Variants in FAM228B observed in about 807,000 individuals in gnomAD.
FAM228B encodes protein FAM228B.
Under a neutral mutation model 42.6 loss-of-function variants are expected in FAM228B, and 38 were observed. The observed-to-expected ratio is 0.89, with a 90% confidence interval of 0.69 to 1.17. FAM228B has a LOEUF of 1.17. Ranked by LOEUF, FAM228B falls within the 50% of genes most tolerant of loss-of-function variation. The pLI, the probability that FAM228B is intolerant of heterozygous loss-of-function variation, is 0.00. For missense variants in FAM228B, 344 were observed against 367.3 expected (o/e 0.94, Z 0.52); for synonymous variants, 109 against 122.3 (o/e 0.89, Z 0.72).
At chr2:24,156,756 T>A (rs1010314450) in intron 7 of FAM228B, among the ~76,000 whole-genome samples, 1 of 146,162 alleles carries the variant, frequency 6.8e-6, no homozygotes, top group Non-Finnish European at 1.5e-5. Flanking sequence ...TACCAGACAC[T>A]GTTATACATT....
chr2:24,161,671 C>T, intron 8 of FAM228B, 58 bp downstream of exon 8: 1 of 991,964 alleles, frequency 1.0e-6, no homozygotes, highest in Non-Finnish European at 1.6e-6. Flanking sequence ...GGCTGTGCTG[C>T]CATCCCCTGC....
intron 5 of FAM228B, among the ~76,000 whole-genome samples, chr2:24,143,039 G>C (rs777717963): frequency 6.6e-6 from 1 of 152,136 alleles, no homozygotes; most frequent in Non-Finnish European, 1.5e-5. Flanking sequence ...CATAGATATG[G>C]TTTCAGATTC....
At chr2:24,078,382 A>T (rs1664851797) in intron 1 of FAM228B, among the ~76,000 whole-genome samples, 1 of 151,856 alleles carries the variant, frequency 6.6e-6, no homozygotes, top group South Asian at 2.1e-4. Flanking sequence ...TAAAAAATAC[A>T]AGCCAGGCAT....
chr2:24,167,634 TC>T lies in FAM228B; in HGVS notation c.944del (p.Pro315ArgfsTer6). 1 of 1,551,528 alleles carries T rather than the reference TC, an allele frequency of 6.4e-7. No homozygotes were observed. Among genetic ancestry groups the T allele is most frequent in the East Asian group, 2.4e-5 (1 of 40,896 alleles). ...CTTCAATCTTCATTTAAGGTCTCCC[TC>T]CCCGCGTTTGGGGCTGCTGAAGCTG... ...EREEDQDGSP[S>X]PRLGLLKLEL is the part of the protein sequence containing the mutation. On this transcript the variant is annotated frameshift_variant, in exon 10 of 11. Coordinates refer to ENST00000615575, the MANE Select transcript of FAM228B (RefSeq NM_001145710.2). LOFTEE classifies it high-confidence loss of function.
At position 24,077,357 on chromosome 2, in the gene FAM228B, C is replaced by T. The variant is rs545347178; in HGVS notation, c.-290+388C>T. On this transcript the variant is annotated intron_variant, in intron 1 of 10. Coordinates refer to the FAM228B transcript ENST00000613899. This position sits in a 1 kb window ranked among gnomAD's most constrained non-coding sequence, Gnocchi z 5.5. ...GGTTGAGCGTCAGCTGATCGGGCCT[C>T]AGTAATCCCCGCTGCGACGCCCGTC... 2.1e-5 allele frequency: 10 copies of T among 473,338 alleles called. No individual in the cohort carries two copies. The highest frequency in any genetic ancestry group is 1.9e-4 in the African/African-American group (10 of 51,958). The allele number at this position is 473,338 out of a possible 1,614,324, so 29.3% of individuals were successfully genotyped here.
intron 7 of FAM228B, among the ~76,000 whole-genome samples, chr2:24,149,423 T>C (rs1378848341): frequency 1.3e-5 from 2 of 152,200 alleles, no homozygotes; most frequent in Non-Finnish European, 2.9e-5. Flanking sequence ...CCATTTTAAC[T>C]GGGAAGAGAT....
intron 3 of FAM228B, among the ~76,000 whole-genome samples, chr2:24,111,405 C>T (rs912755532): frequency 6.6e-6 from 1 of 152,170 alleles, no homozygotes; most frequent in Non-Finnish European, 1.5e-5. Context: ...ACACACATAT[C>T]AATATGTTCA....
At chr2:24,135,219 A>G (rs947922658) in intron 3 of FAM228B, 32 bp downstream of exon 3, 3 of 1,224,088 alleles carry the variant, frequency 2.5e-6, no homozygotes, top group African/African-American at 1.6e-5. Flanking sequence ...CATCTCAGTT[A>G]AAAATTAAAT....
chr2:24,083,482 C>T (rs1298190431), intron 2 of FAM228B, among the ~76,000 whole-genome samples: 1 of 152,130 alleles, frequency 6.6e-6, no homozygotes, highest in East Asian at 1.9e-4. Context: ...TCCCATGCAT[C>T]AAGCGCTAGG....
rs1667287745 is a variant in FAM228B, at chr2:24,161,619, T to C, written c.794+6T>C. 6 of 1,467,374 alleles carry C rather than the reference T, an allele frequency of 4.1e-6. No individual in the cohort carries two copies. The African/African-American group carries it at 8.4e-5, about 20-fold the overall frequency. 90.9% of individuals were successfully genotyped at this position (1,467,374 alleles called of 1,614,324 possible). Reference sequence around the variant, plus strand: ...GAAAAAACAGTTATTTACAAGTAAGTCTGTTCTTCCATAGCTTTGCTCTTC... The same window carrying C: ...GAAAAAACAGTTATTTACAAGTAAGCCTGTTCTTCCATAGCTTTGCTCTTC... On this transcript the variant is annotated splice_donor_region_variant and intron_variant, in intron 8 of 10. Transcript: ENST00000615575.
At chr2:24,119,555 A>G (rs764024999), upstream of FAM228B, 2 of 1,573,314 alleles carry the variant, frequency 1.3e-6, no homozygotes, top group Admixed American at 1.7e-5. Context: ...GAATGAAGAC[A>G]GGAACTAGGA....
intron 2 of FAM228B, among the ~76,000 whole-genome samples, chr2:24,088,681 G>A (rs140751821): frequency 2.0e-5 from 3 of 152,182 alleles, no homozygotes; most frequent in African/African-American, 7.2e-5. Flanking sequence ...ACTAGTAAAC[G>A]TAAGTGTTTC....
intron 8 of FAM228B, among the ~76,000 whole-genome samples, chr2:24,163,469 C>A (rs965632454): frequency 6.6e-6 from 1 of 152,066 alleles, no homozygotes; most frequent in African/African-American, 2.4e-5. Context: ...AAGGAAGTGT[C>A]CAAACTAAGC....
At chr2:24,164,373 G>A (rs1213336383) in intron 9 of FAM228B, 38 bp downstream of exon 9, 22 of 1,525,388 alleles carry the variant, frequency 1.4e-5, no homozygotes, top group Non-Finnish European at 1.9e-5. Context: ...CATACATAAG[G>A]TGGCAATCGC....
chr2:24,162,279 A>G (rs1416971927), intron 8 of FAM228B, among the ~76,000 whole-genome samples: 1 of 152,234 alleles, frequency 6.6e-6, no homozygotes, highest in Non-Finnish European at 1.5e-5. Flanking sequence ...GGTGGGTAGT[A>G]GCTGTTACAA....
intron 3 of FAM228B, among the ~76,000 whole-genome samples, chr2:24,117,951 C>T (rs948707685): frequency 2.6e-5 from 4 of 152,144 alleles, no homozygotes; most frequent in African/African-American, 9.7e-5. Flanking sequence ...ATATTAATGG[C>T]GTGATGCCAG....
chr2:24,081,750 G>A (rs1307427800), intron 2 of FAM228B, among the ~76,000 whole-genome samples: 6 of 145,962 alleles, frequency 4.1e-5, no homozygotes, highest in Non-Finnish European at 6.0e-5. Context: ...GTGCAGTGGC[G>A]CAATCTTGGC....
intron 3 of FAM228B, among the ~76,000 whole-genome samples, chr2:24,107,181 C>T (rs1055166820): frequency 4.6e-5 from 7 of 152,022 alleles, no homozygotes; most frequent in African/African-American, 1.4e-4. Flanking sequence ...AAAAGATAAA[C>T]AGGGCATTAT....
Position 24,111,083 on chromosome 2 carries a change from CAG to C in FAM228B, c.-121+15857_-121+15858del, listed in dbSNP as rs1168099572. Among the ~76,000 whole-genome samples, 6 of 151,326 alleles carry C rather than the reference CAG, an allele frequency of 4.0e-5. No individual in the cohort carries two copies. The South Asian group carries it at 8.3e-4, about 21-fold the overall frequency. On this transcript the variant is annotated intron_variant, in intron 3 of 10. Coordinates refer to the FAM228B transcript ENST00000613899. ...CTGGCTGATCTTTTTTTTTTTGAAACAGAGTCTCGCCGTGTCACCTAGGCTAG... is the reference window on the plus strand; with the variant it reads ...CTGGCTGATCTTTTTTTTTTTGAAACAGTCTCGCCGTGTCACCTAGGCTAG...
Sources: allele counts gnomAD v4.1 joint callset (sites outside exome capture counted in the v4.1 genomes callset), GRCh38; gene constraint gnomAD v4.1.1; non-coding constraint Gnocchi (gnomAD v3.1); transcripts MANE v1.5; gene names NCBI Gene and HGNC (gene_info 2026-07-23, HGNC 2026-07-21).